The following CADPS2 variants were observed in gnomAD, a reference collection of about 807,000 sequenced individuals.
CADPS2 encodes the protein calcium-dependent secretion activator 2.
CADPS2 carries 93 observed loss-of-function variants against 172.5 expected under a neutral mutation model. The ratio of observed to expected loss-of-function variants is 0.54; its 90% CI spans 0.46 to 0.64. CADPS2 has a LOEUF of 0.64. CADPS2 is among the 30% of genes least tolerant of loss of function. The probability of loss-of-function intolerance (pLI) is 0.00; values close to 1 mark genes in which losing one functional copy is unlikely to be tolerated. For synonymous variants in CADPS2, 546 were observed against 555.2 expected, an observed-to-expected ratio of 0.98 and a Z score of 0.23; for missense variants, 1,420 against 1,565.9, an observed-to-expected ratio of 0.91 and a Z score of 1.57.
At chr7:122,601,020 G>A (rs1419427586) in intron 6 of CADPS2, among the ~76,000 whole-genome samples, 3 of 151,996 alleles carry the variant, frequency 2.0e-5, no homozygotes, top group Admixed American at 2.0e-4. Context: ...TTTAAATGTG[G>A]ATAATGATAG....
At chr7:122,581,773 A>G (rs1400547621) in intron 6 of CADPS2, among the ~76,000 whole-genome samples, 1 of 152,098 alleles carries the variant, frequency 6.6e-6, no homozygotes, top group East Asian at 1.9e-4. Flanking sequence ...TCTCAGATCT[A>G]TTACTTCATA....
chr7:122,486,281 G>T (rs999530105), intron 11 of CADPS2, among the ~76,000 whole-genome samples: 2 of 152,158 alleles, frequency 1.3e-5, no homozygotes, highest in Admixed American at 1.3e-4. Context: ...AACCTGGAAA[G>T]GATTCATCAT....
chr7:122,667,682 G>C (rs978722590), intron 2 of CADPS2, among the ~76,000 whole-genome samples: 1 of 152,130 alleles, frequency 6.6e-6, no homozygotes, highest in Admixed American at 6.5e-5. Flanking sequence ...AAGAAAAGAA[G>C]TTATTAACTC....
intron 1 of CADPS2, among the ~76,000 whole-genome samples, chr7:122,813,199 T>C (rs1331867265): frequency 6.6e-6 from 1 of 152,114 alleles, no homozygotes; most frequent in Non-Finnish European, 1.5e-5. Context: ...ACCAAGCTTC[T>C]TTGACCCTCC....
intron 2 of CADPS2, among the ~76,000 whole-genome samples, chr7:122,720,931 A>G (rs1247114594): frequency 6.6e-6 from 1 of 152,000 alleles, no homozygotes; most frequent in African/African-American, 2.4e-5. Flanking sequence ...CAAAAAAGCT[A>G]TCATTTGAAA....
intron 19 of CADPS2, chr7:122,413,042 C>T (rs972659205): frequency 1.3e-5 from 2 of 152,234 alleles, no homozygotes; most frequent in South Asian, 2.1e-4. Context: ...TGGAGCCTGG[C>T]CTGAGTCTTC....
chr7:122,597,147 C>T (rs1430574661), intron 6 of CADPS2, among the ~76,000 whole-genome samples: 2 of 152,056 alleles, frequency 1.3e-5, no homozygotes, highest in Non-Finnish European at 2.9e-5. Context: ...GCCCCACCTC[C>T]AACACTGGAG....
Position 122,435,753 on chromosome 7 carries a change from A to G in CADPS2, c.2476+2588T>C, listed in dbSNP as rs1475484134. Among the ~76,000 whole-genome samples the G allele has an allele frequency of 3.9e-5, 6 of 152,156 alleles. No homozygotes were observed. In the East Asian group the frequency reaches 1.2e-3, roughly 29 times the overall value. On this transcript the variant is annotated intron_variant, in intron 17 of 29. Transcript: ENST00000449022. ...ATTGCAGCATTATTCATTGAAAGCA[A>G]CCTAAATGTTCATTGAGAGATGAAT...
intron 7 of CADPS2, among the ~76,000 whole-genome samples, chr7:122,562,261 A>C (rs1373071730): frequency 3.3e-5 from 5 of 152,176 alleles, no homozygotes; most frequent in Non-Finnish European, 1.5e-5. Flanking sequence ...TAACTAGGCA[A>C]TTATTCACCT....
Position 122,527,764 on chromosome 7 carries a change from TTGCCCA to T in CADPS2, c.1476-14455_1476-14450del, listed in dbSNP as rs2061394306. Among the ~76,000 whole-genome samples the T allele has an allele frequency of 1.3e-5, 2 of 152,080 alleles. 1 individual carries two copies. The highest frequency in any genetic ancestry group is 4.2e-4 in the South Asian group (2 of 4,810). ...GGACAGGCTGTTCCATGAGAAGATC[TTGCCCA>T]TGACAGGCTTGTGCAGAATGAACAG... On this transcript the variant is annotated intron_variant, in intron 8 of 29. Transcript: ENST00000449022.
intron 1 of CADPS2, among the ~76,000 whole-genome samples, chr7:122,768,722 G>T (rs1433293287): frequency 6.6e-6 from 1 of 152,132 alleles, no homozygotes; most frequent in Admixed American, 6.6e-5. Context: ...AGCTCCTCTG[G>T]AAGCCATATG....
intron 3 of CADPS2, among the ~76,000 whole-genome samples, chr7:122,637,367 G>A (rs1298459622): frequency 6.6e-6 from 1 of 151,386 alleles, no homozygotes; most frequent in East Asian, 1.9e-4. Context: ...CTAATTTCTT[G>A]TAGAGAACAG....
At chr7:122,572,683 A>C (rs530600647) in intron 7 of CADPS2, among the ~76,000 whole-genome samples, 1 of 152,224 alleles carries the variant, frequency 6.6e-6, no homozygotes, top group East Asian at 1.9e-4. Context: ...TGCTATTTAG[A>C]TTTTTATATG....
chr7:122,459,452 T>A (rs1403591559), intron 14 of CADPS2, among the ~76,000 whole-genome samples: 2 of 152,154 alleles, frequency 1.3e-5, no homozygotes, highest in African/African-American at 2.4e-5. Context: ...GTTGGTTTTT[T>A]AGAAAGCACT....
At chr7:122,574,004 C>A (rs902357830) in intron 7 of CADPS2, among the ~76,000 whole-genome samples, 4 of 151,852 alleles carry the variant, frequency 2.6e-5, no homozygotes, top group Non-Finnish European at 5.9e-5. Flanking sequence ...ATTCTAAAGA[C>A]AAATCAAATG....
At position 122,513,315 on chromosome 7, in the gene CADPS2, T is replaced by A; in HGVS notation, c.1476A>T (p.Gly492=). ...CCTTCTGTCCAAGGGCATACAGATA[T>A]CTGGAAAGAAAAACAAAAGCCAAAG... ...MDKPAHMKHS[G]YLYALGQKVW... The change falls in exon 9 of 30, where the codon GGA becomes GGT. Residue 492 remains glycine, a splice_region_variant and synonymous_variant. Transcript: ENST00000449022. 6.4e-7 allele frequency: 1 copy of A among 1,555,552 alleles called. No homozygotes were observed. The highest frequency in any genetic ancestry group is 1.9e-5 in the Admixed American group (1 of 51,736).
intron 3 of CADPS2, among the ~76,000 whole-genome samples, chr7:122,638,439 G>A (rs1224212420): frequency 6.6e-6 from 1 of 152,136 alleles, no homozygotes; most frequent in Non-Finnish European, 1.5e-5. Context: ...CTTCCTGGGG[G>A]AACACAAAGC....
intron 8 of CADPS2, among the ~76,000 whole-genome samples, chr7:122,535,411 A>G (rs1430175443): frequency 1.3e-5 from 2 of 152,046 alleles, no homozygotes; most frequent in Non-Finnish European, 2.9e-5. Flanking sequence ...AATGTATTTA[A>G]TCTACTATAT....
At chr7:122,347,368 A>C (rs545645978) in intron 27 of CADPS2, among the ~76,000 whole-genome samples, 27 of 151,906 alleles carry the variant, frequency 1.8e-4, no homozygotes, top group Non-Finnish European at 3.2e-4. Flanking sequence ...GGCAGTGAGC[A>C]TGTCTTACTT....
Sources: gnomAD v4.1 joint callset for allele counts (sites outside exome capture counted in the v4.1 genomes callset) on GRCh38, gnomAD v4.1.1 for gene constraint, MANE v1.5 for transcripts, NCBI Gene and HGNC (gene_info 2026-07-23, HGNC 2026-07-21) for gene names.